The following TMEM161A variants were observed in gnomAD, a reference collection of about 807,000 sequenced individuals.
The protein encoded by TMEM161A is adaptive response to oxidative stress protein 29.
A neutral mutation model predicts 57.1 loss-of-function variants in TMEM161A; 46 were observed. The observed-to-expected ratio is 0.81, with a 90% CI of 0.64 to 1.03. The LOEUF (loss-of-function observed/expected upper bound fraction) is 1.03, where lower values mean the gene tolerates loss of function less well. Among genes scored for constraint, TMEM161A ranks in the 50% least tolerant of loss-of-function variants. The pLI, the probability that TMEM161A is intolerant of heterozygous loss-of-function variation, is 0.00. For synonymous variants in TMEM161A, 288 were observed against 279.0 expected (o/e 1.03, Z -0.32); for missense variants, 601 against 621.5 (o/e 0.97, Z 0.35).
intron 6 of TMEM161A, among the ~76,000 whole-genome samples, chr19:19,123,217 A>C (rs1272141002): frequency 6.6e-6 from 1 of 152,238 alleles, no homozygotes; most frequent in Non-Finnish European, 1.5e-5. Context: ...AACGCAAATC[A>C]AATCAGAGCC....
At chr19:19,126,963 C>T (rs112571579) in intron 6 of TMEM161A, among the ~76,000 whole-genome samples, 14 of 91,508 alleles carry the variant, frequency 1.5e-4, no homozygotes, top group African/African-American at 4.7e-4. Context: ...ATGAGAATCA[C>T]TTGAATCCGG....
At chr19:19,138,342 A>G (rs373862005) in intron 1 of TMEM161A, 84 bp downstream of exon 1, 193 of 1,547,234 alleles carry the variant, frequency 1.2e-4, no homozygotes, top group African/African-American at 3.3e-4. Context: ...AGAAACCCCA[A>G]TCCATTCCCT....
At chr19:19,122,294 CAAAG>C (rs974209946) in intron 6 of TMEM161A, among the ~76,000 whole-genome samples, 1 of 151,930 alleles carries the variant, frequency 6.6e-6, no homozygotes, top group African/African-American at 2.4e-5. Flanking sequence ...AACTCAGTCT[CAAAG>C]AAAACGAAAC....
intron 6 of TMEM161A, among the ~76,000 whole-genome samples, chr19:19,126,096 T>C (rs892100568): frequency 6.7e-5 from 10 of 150,186 alleles, no homozygotes; most frequent in Non-Finnish European, 1.5e-4. Flanking sequence ...TGAAACCCCA[T>C]CTCTAGTAAA....
At position 19,130,225 on chromosome 19, in the gene TMEM161A, G is replaced by T. The variant is rs1379007096; in HGVS notation, c.526C>A (p.Leu176Ile). ...ACCAGCATGGCCAGCAGCAGGAAGA[G>T]GAAGGCAAAGGTGAGGCAGACAGAG... ...ERSVCLTFAF[L>I]FLLLAMLVQV... The change falls in exon 6 of 12, where the codon CTC (leucine) becomes ATC (isoleucine). Residue 176 changes from leucine (L) to isoleucine (I), a missense_variant. Transcript: ENST00000162044. 1 of 1,613,992 alleles carries T rather than the reference G, an allele frequency of 6.2e-7. No homozygotes were observed. The highest frequency in any genetic ancestry group is 1.3e-5 in the African/African-American group (1 of 75,054).
chr19:19,126,649 C>T (rs2059932775), intron 6 of TMEM161A, among the ~76,000 whole-genome samples: 1 of 151,970 alleles, frequency 6.6e-6, no homozygotes, highest in African/African-American at 2.4e-5. Flanking sequence ...TGGGCAGGAT[C>T]ACCTGAGGTC....
intron 1 of TMEM161A, among the ~76,000 whole-genome samples, chr19:19,137,271 C>G (rs2040561): frequency 0.64 from 97,076 of 151,960 alleles, 31,229 homozygotes; most frequent in Non-Finnish European, 0.67. Context: ...CTCCCTGCAC[C>G]CAACCACTGG....
At chr19:19,124,915 G>A (rs532262970) in intron 6 of TMEM161A, among the ~76,000 whole-genome samples, 2 of 152,070 alleles carry the variant, frequency 1.3e-5, no homozygotes, top group Admixed American at 1.3e-4. Flanking sequence ...AGATTGCACA[G>A]TTGCACTCCA....
chr19:19,129,670 G>C (rs1394057347), intron 6 of TMEM161A, among the ~76,000 whole-genome samples: 1 of 152,182 alleles, frequency 6.6e-6, no homozygotes, highest in Non-Finnish European at 1.5e-5. Flanking sequence ...CACTTGGGGA[G>C]GCTGAGGTGG....
At position 19,138,434 on chromosome 19, in the gene TMEM161A, G is replaced by C; in HGVS notation, c.-6C>G. On this transcript the variant is annotated 5_prime_UTR_variant, in exon 1 of 12. Coordinates refer to ENST00000162044, the MANE Select transcript of TMEM161A (RefSeq NM_017814.3). ...GCGGGACGCTCGCTCACCATGACGC[G>C]TGCGAGAACGCGGTGCACTCACCCA... 1 of 1,602,598 alleles carries C rather than the reference G, an allele frequency of 6.2e-7. No individual in the cohort carries two copies. Among genetic ancestry groups the C allele is most frequent in the Non-Finnish European group, 8.5e-7 (1 of 1,174,808 alleles).
chr19:19,120,685 G>A (rs1186342539), intron 11 of TMEM161A, 80 bp downstream of exon 11: 19 of 758,846 alleles, frequency 2.5e-5, no homozygotes, highest in African/African-American at 9.2e-5. Flanking sequence ...CCCCCACCGC[G>A]GTCCCCGCCA....
intron 5 of TMEM161A, among the ~76,000 whole-genome samples, chr19:19,130,985 G>A (rs2059955867): frequency 6.6e-6 from 1 of 152,274 alleles, no homozygotes; most frequent in Non-Finnish European, 1.5e-5. Flanking sequence ...TTGGGAGGCT[G>A]AGACAGGTAG....
intron 6 of TMEM161A, among the ~76,000 whole-genome samples, chr19:19,128,584 G>A (rs535496163): frequency 1.8e-4 from 26 of 146,918 alleles, no homozygotes; most frequent in Non-Finnish European, 3.3e-4. Flanking sequence ...TGTTGCTCAG[G>A]CTGGAGCACA....
intron 6 of TMEM161A, among the ~76,000 whole-genome samples, chr19:19,125,707 G>A (rs187128107): frequency 4.6e-4 from 70 of 151,904 alleles, no homozygotes; most frequent in African/African-American, 1.5e-3. Context: ...TAGTAGAGAC[G>A]GGGTTTCACG....
Position 19,119,657 on chromosome 19 carries a change from C to G in TMEM161A, c.*273G>C, listed in dbSNP as rs545892269. On this transcript the variant is annotated 3_prime_UTR_variant, in exon 12 of 12. Transcript: ENST00000162044. ...ATGCTCCTTTATTTGTTCAGAAGAG[C>G]AGCCAGCATCACCCTTGCCACTCAA... The G allele has an allele frequency of 5.9e-6, 3 of 505,714 alleles. No individual in the cohort carries two copies. In the East Asian group the frequency reaches 1.0e-4, roughly 17 times the overall value. 31.3% of individuals were successfully genotyped at this position (505,714 alleles called of 1,614,324 possible). A position where few individuals can be genotyped will look rare whatever the true frequency, so the allele number is the denominator to read the frequency against.
rs1186578838 is a variant in TMEM161A, at chr19:19,119,896, C to T, written c.*34G>A. 1.2e-5 allele frequency: 19 copies of T among 1,545,894 alleles called. No individual in the cohort carries two copies. Among genetic ancestry groups the T allele is most frequent in the Non-Finnish European group, 1.5e-5 (17 of 1,145,242 alleles). On this transcript the variant is annotated 3_prime_UTR_variant, in exon 12 of 12. Coordinates refer to ENST00000162044, the MANE Select transcript of TMEM161A (RefSeq NM_017814.3). ...GGCTAGTGTCCCGCTGCCCCAGGAA[C>T]AGACCTCAGGGCCCCAGGAGGGTCT...
intron 6 of TMEM161A, among the ~76,000 whole-genome samples, chr19:19,128,736 C>T (rs985959904): frequency 1.3e-5 from 2 of 151,714 alleles, no homozygotes; most frequent in African/African-American, 4.8e-5. Flanking sequence ...CAGGGTTTCT[C>T]CATGTTGATC....
Position 19,130,238 on chromosome 19 carries a change from G to A in TMEM161A, c.513C>T (p.Leu171=). 6.2e-7 allele frequency: 1 copy of A among 1,613,992 alleles called. No homozygotes were observed. The highest frequency in any genetic ancestry group is 1.7e-5 in the Admixed American group (1 of 60,026). ...GCAGCAGGAAGAGGAAGGCAAAGGT[G>A]AGGCAGACAGAGCGCTCACCCCCCT... is the stretch of plus-strand genomic sequence containing the variant. ...AEEGGERSVC[L]TFAFLFLLLA... is the part of the protein sequence containing the mutation. The change falls in exon 6 of 12, where the codon CTC becomes CTT. Residue 171 remains leucine (L), a synonymous_variant. Transcript: ENST00000162044.
chr19:19,128,644 T>C (rs781026872), intron 6 of TMEM161A, among the ~76,000 whole-genome samples: 4 of 150,364 alleles, frequency 2.7e-5, no homozygotes, highest in African/African-American at 4.9e-5. Flanking sequence ...GTTCAAGCAA[T>C]TCTCCTGCCT....
Sources: gnomAD v4.1 joint callset for allele counts (sites outside exome capture counted in the v4.1 genomes callset) on GRCh38, gnomAD v4.1.1 for gene constraint, MANE v1.5 for transcripts, NCBI Gene and HGNC (gene_info 2026-07-23, HGNC 2026-07-21) for gene names.